Variants in PCNX2 observed in about 807,000 individuals in gnomAD.
PCNX2 encodes the protein pecanex 2.
A neutral mutation model predicts 223.8 loss-of-function variants in PCNX2; 168 were observed. The ratio of observed to expected loss-of-function variants is 0.75; its 90% CI spans 0.66 to 0.85. The LOEUF (loss-of-function observed/expected upper bound fraction) is 0.85, where lower values mean the gene tolerates loss of function less well. Among genes scored for constraint, PCNX2 ranks in the 40% least tolerant of loss-of-function variants. The pLI, the probability that PCNX2 is intolerant of heterozygous loss-of-function variation, is 0.00. For missense variants in PCNX2, 2,507 were observed against 2,675.5 expected, an observed-to-expected ratio of 0.94 and a Z score of 1.39; for synonymous variants, 1,006 against 1,052.6, an observed-to-expected ratio of 0.96 and a Z score of 0.86.
chr1:233,038,159 C>T (rs1477774386), intron 25 of PCNX2, among the ~76,000 whole-genome samples: 3 of 152,168 alleles, frequency 2.0e-5, no homozygotes, highest in African/African-American at 4.8e-5. Context: ...TTATTTTCAA[C>T]CAGCTCATGG....
intron 26 of PCNX2, among the ~76,000 whole-genome samples, chr1:233,022,695 C>CTT (rs372153367): frequency 5.2e-4 from 67 of 128,672 alleles, no homozygotes; most frequent in Non-Finnish European, 7.1e-4. Context: ...CTTTTTCTTT[C>CTT]TTTTTTTTTT....
intron 1 of PCNX2, among the ~76,000 whole-genome samples, chr1:233,273,496 T>C (rs949238820): frequency 6.6e-6 from 1 of 152,198 alleles, no homozygotes; most frequent in Non-Finnish European, 1.5e-5. Flanking sequence ...TGTCTCAGAA[T>C]CCTTCTTTCC....
intron 19 of PCNX2, among the ~76,000 whole-genome samples, chr1:233,155,393 T>A (rs1230103257): frequency 6.6e-6 from 1 of 152,234 alleles, no homozygotes; most frequent in Non-Finnish European, 1.5e-5. Flanking sequence ...TGACAGGAAC[T>A]ACATCTTAGT....
chr1:233,235,158 G>A (rs1658310651), intron 9 of PCNX2, among the ~76,000 whole-genome samples: 2 of 152,156 alleles, frequency 1.3e-5, no homozygotes, highest in African/African-American at 4.8e-5. Context: ...CTGGAAAGGA[G>A]GAGGAGGAGA....
intron 17 of PCNX2, among the ~76,000 whole-genome samples, chr1:233,170,108 A>G (rs1328884960): frequency 1.3e-5 from 2 of 152,220 alleles, no homozygotes; most frequent in Admixed American, 6.5e-5. Context: ...AGGTGCTATT[A>G]TGAACAATTT....
At chr1:233,311,057 C>T in the PCNX2 span, among the ~76,000 whole-genome samples, 1 of 152,228 alleles carries the variant, frequency 6.6e-6, no homozygotes, top group African/African-American at 2.4e-5. Context: ...AAGTTATGCT[C>T]AGCCTGGGTC....
intron 8 of PCNX2, among the ~76,000 whole-genome samples, chr1:233,243,821 C>T (rs1463937211): frequency 6.7e-6 from 1 of 149,134 alleles, no homozygotes; most frequent in Non-Finnish European, 1.5e-5. Flanking sequence ...TGTACTATCA[C>T]CTTTATTTTT....
chr1:233,033,244 C>T, intron 25 of PCNX2: 1 of 951,764 alleles, frequency 1.1e-6, no homozygotes, highest in Non-Finnish European at 1.3e-6. Flanking sequence ...TATTTATTCC[C>T]ACCTAATTTC....
At position 233,270,498 on chromosome 1, in the gene PCNX2, G is replaced by A. The variant is rs1037191431; in HGVS notation, c.154-7335C>T. Among the ~76,000 whole-genome samples the A allele has an allele frequency of 7.9e-5, 12 of 152,160 alleles. No homozygotes were observed. In the East Asian group the frequency reaches 2.1e-3, roughly 27 times the overall value. On this transcript the variant is annotated intron_variant, in intron 1 of 33. Coordinates refer to ENST00000258229, the MANE Select transcript of PCNX2 (RefSeq NM_014801.4). ...TGCCCCCGACAGGTTACGGACAGGGGGTCTCCATGCAGCTCCCCTTAGATA... is the reference window on the plus strand; with the variant it reads ...TGCCCCCGACAGGTTACGGACAGGGAGTCTCCATGCAGCTCCCCTTAGATA...
In PCNX2 at chr1:232,984,333, A is replaced by G; in HGVS notation, c.6385T>C (p.Ser2129Pro). ...QEDMGLDDTA[S>P]QQSVSDEQ is the part of the protein sequence containing the mutation. ...TGCTCGTCTGACACACTTTGCTGCG[A>G]GGCCGTGTCGTCCAGGCCCATGTCC... The change falls in exon 34 of 34, where the codon TCG becomes CCG. Residue 2129 changes from serine (S) to proline (P), a missense_variant. Around this residue, in one of 3 missense-constraint regions of PCNX2, gnomAD observed 1,372 missense variants for 1,509.4 expected, o/e 0.91. Transcript: ENST00000258229. 1 of 1,610,754 alleles carries G rather than the reference A, an allele frequency of 6.2e-7. No individual in the cohort carries two copies. The highest frequency in any genetic ancestry group is 8.5e-7 in the Non-Finnish European group (1 of 1,178,784).
At position 233,263,021 on chromosome 1, in the gene PCNX2, T is replaced by C; in HGVS notation, c.296A>G (p.Glu99Gly). The change falls in exon 2 of 34, where the codon GAA becomes GGA. Residue 99 changes from glutamate (E) to glycine (G), a missense_variant. Physicochemically the swap from Glu to Gly is moderately conservative, Grantham distance 98. Coordinates refer to ENST00000258229, the MANE Select transcript of PCNX2 (RefSeq NM_014801.4). The stretch of plus-strand genomic sequence containing the variant: ...CTCCTTGTCTTTATTTGGCTTTTCT[T>C]CCTTTCTGGAGGGCTTTTGCTGAAT... ...EVIQQKPSRK[E>G]EKPNKDKEAK... is the part of the protein sequence containing the mutation. The C allele has an allele frequency of 1.2e-6, 2 of 1,613,824 alleles. No individual in the cohort carries two copies. Among genetic ancestry groups the C allele is most frequent in the Non-Finnish European group, 1.7e-6 (2 of 1,179,820 alleles).
chr1:233,230,190 T>C (rs1657978803), intron 9 of PCNX2, among the ~76,000 whole-genome samples: 3 of 152,140 alleles, frequency 2.0e-5, no homozygotes, highest in Admixed American at 6.5e-5. Flanking sequence ...CATGCATAAA[T>C]GTATCCACAT....
chr1:233,161,137 C>T lies in PCNX2; in HGVS notation c.3366+134G>A, dbSNP rs112899073. The T allele has an allele frequency of 9.1e-3, 6,466 of 713,394 alleles. 291 individuals are homozygous for T. In the African/African-American group the frequency reaches 0.099, roughly 11 times the overall value. 44.2% of individuals were successfully genotyped at this position (713,394 alleles called of 1,614,324 possible). ...CTGTTCACAGTACATGGATTCATTC[C>T]CTAAGCCTCTCAGCGGGCATTTTGT... is the stretch of plus-strand genomic sequence containing the variant. On this transcript the variant is annotated intron_variant, in intron 18 of 33. Transcript: ENST00000258229.
chr1:233,222,745 C>A (rs775222779), intron 10 of PCNX2, among the ~76,000 whole-genome samples: 1 of 152,052 alleles, frequency 6.6e-6, no homozygotes, highest in Admixed American at 6.5e-5. Context: ...GACTCAAGGA[C>A]GACTCCAAGA....
intron 7 of PCNX2, among the ~76,000 whole-genome samples, chr1:233,252,024 ATT>A (rs1300019907): frequency 2.6e-5 from 4 of 152,390 alleles, no homozygotes; most frequent in African/African-American, 9.6e-5. Context: ...AAGCTGTAAT[ATT>A]ATCAAAGAAC....
intron 21 of PCNX2, among the ~76,000 whole-genome samples, chr1:233,115,116 T>C (rs1214675842): frequency 4.6e-5 from 7 of 151,900 alleles, no homozygotes; most frequent in South Asian, 2.1e-4. Context: ...AACATAGTCA[T>C]TGGGTGTCAG....
Position 232,984,377 on chromosome 1 carries a change from C to A in PCNX2, c.6341G>T (p.Cys2114Phe), listed in dbSNP as rs1486549074. 6.2e-7 allele frequency: 1 copy of A among 1,613,736 alleles called. No individual in the cohort carries two copies. Among genetic ancestry groups the A allele is most frequent in the Admixed American group, 1.7e-5 (1 of 60,010 alleles). The change falls in exon 34 of 34, where the codon TGC becomes TTC. Residue 2114 changes from cysteine to phenylalanine, a missense_variant. Coordinates refer to ENST00000258229, the MANE Select transcript of PCNX2 (RefSeq NM_014801.4). ...EAVADTLGVV[C>F]RRASQEDMGL... ...CATGTCCTCCTGGCTTGCTCTCCTG[C>A]AGACAACCCCGAGAGTGTCCGCCAC...
chr1:232,999,106 T>C lies in PCNX2; in HGVS notation c.5602A>G (p.Arg1868Gly). Residue 1868 changes from arginine to glycine, a missense_variant and splice_region_variant, in exon 31 of 34, where the codon AGG becomes GGG. Physicochemically the swap from Arg to Gly is moderately radical, Grantham distance 125. This residue lies in a region of PCNX2 where 1,372 missense variants were observed against 1,509.4 expected (regional missense o/e 0.91). Coordinates refer to ENST00000258229, the MANE Select transcript of PCNX2 (RefSeq NM_014801.4). The stretch of plus-strand genomic sequence containing the variant: ...GAGGCATTTGTTGTAAAAACTTACC[T>C]TACCCACTTGGTCCAGAACCAGGTC... ...IRTWFWTKWV[R>G]MRKDCNARQH... 1 of 1,600,880 alleles carries C rather than the reference T, an allele frequency of 6.2e-7. No individual in the cohort carries two copies. Among genetic ancestry groups the C allele is most frequent in the Non-Finnish European group, 8.5e-7 (1 of 1,170,614 alleles).
At chr1:233,106,928 G>A (rs916429767) in intron 21 of PCNX2, among the ~76,000 whole-genome samples, 4 of 151,770 alleles carry the variant, frequency 2.6e-5, no homozygotes, top group Admixed American at 1.3e-4. Flanking sequence ...GGAATAAGAT[G>A]GTTCAGGTAG....
Sources: gnomAD v4.1 joint callset for allele counts (sites outside exome capture counted in the v4.1 genomes callset) on GRCh38, gnomAD v4.1.1 for gene constraint, gnomAD v4.1.1 regional missense constraint, MANE v1.5 for transcripts, NCBI Gene and HGNC (gene_info 2026-07-23, HGNC 2026-07-21) for gene names.